The following CTNND2 variants were observed in gnomAD, a reference collection of about 807,000 sequenced individuals.
CTNND2 encodes the protein catenin delta 2.
CTNND2 carries 22 observed loss-of-function variants against 144.4 expected under a neutral mutation model. The observed-to-expected ratio is 0.15, with a 90% confidence interval of 0.11 to 0.22. The LOEUF (loss-of-function observed/expected upper bound fraction) is 0.22, where lower values mean the gene tolerates loss of function less well. CTNND2 is among the 10% of genes least tolerant of loss of function. The probability of loss-of-function intolerance (pLI) is 1.00; values close to 1 mark genes in which losing one functional copy is unlikely to be tolerated. For missense variants in CTNND2, 1,353 were observed against 1,618.8 expected, an observed-to-expected ratio of 0.84 and a Z score of 2.82; for synonymous variants, 751 against 695.6, an observed-to-expected ratio of 1.08 and a Z score of -1.25.
At chr5:11,210,325 G>A (rs1043621235) in intron 10 of CTNND2, among the ~76,000 whole-genome samples, 1 of 151,980 alleles carries the variant, frequency 6.6e-6, no homozygotes, top group African/African-American at 2.4e-5. Context: ...TTGAGCCCAG[G>A]GGGCAGAGGC....
intron 3 of CTNND2, among the ~76,000 whole-genome samples, chr5:11,556,644 G>C (rs1776259671): frequency 6.6e-6 from 1 of 152,228 alleles, no homozygotes; most frequent in East Asian, 1.9e-4. Flanking sequence ...GTTGGCATTT[G>C]GGCTCATGAA....
At chr5:11,341,736 T>C (rs2149732039) in intron 9 of CTNND2, among the ~76,000 whole-genome samples, 1 of 152,334 alleles carries the variant, frequency 6.6e-6, no homozygotes, top group Non-Finnish European at 1.5e-5. Flanking sequence ...TGCCAGGCAC[T>C]GTAGCTCATG....
At chr5:11,157,687 C>A (rs1415639294) in intron 12 of CTNND2, among the ~76,000 whole-genome samples, 1 of 152,216 alleles carries the variant, frequency 6.6e-6, no homozygotes, top group Non-Finnish European at 1.5e-5. Flanking sequence ...AATACACTTG[C>A]ATACTAAAAT....
At chr5:11,300,015 C>A (rs1749420981) in intron 9 of CTNND2, among the ~76,000 whole-genome samples, 1 of 152,156 alleles carries the variant, frequency 6.6e-6, no homozygotes, top group South Asian at 2.1e-4. Flanking sequence ...AAATGGGCAG[C>A]TTTCAGGGCT....
chr5:11,800,017 T>G (rs1791594664), intron 1 of CTNND2, among the ~76,000 whole-genome samples: 3 of 152,214 alleles, frequency 2.0e-5, no homozygotes. Flanking sequence ...TTTAGCCACT[T>G]ACTACTTTAA....
chr5:11,133,364 T>C (rs570721452), intron 12 of CTNND2, among the ~76,000 whole-genome samples: 20 of 152,318 alleles, frequency 1.3e-4, no homozygotes, highest in African/African-American at 4.8e-4. Flanking sequence ...TCTTTTTCTT[T>C]TTTTTGAGAC....
At chr5:11,797,809 T>C (rs949879548) in intron 1 of CTNND2, among the ~76,000 whole-genome samples, 6 of 152,250 alleles carry the variant, frequency 3.9e-5, no homozygotes, top group Non-Finnish European at 8.8e-5. Context: ...GTATAGTTGC[T>C]TGACTTTACT....
intron 2 of CTNND2, among the ~76,000 whole-genome samples, chr5:11,610,013 T>G (rs958658753): frequency 3.9e-5 from 6 of 152,182 alleles, no homozygotes; most frequent in African/African-American, 1.4e-4. Flanking sequence ...TCGGTTTGAG[T>G]CCTAGTATTT....
chr5:11,835,165 G>A (rs968250974), intron 1 of CTNND2, among the ~76,000 whole-genome samples: 6 of 152,138 alleles, frequency 3.9e-5, no homozygotes, highest in African/African-American at 9.7e-5. Context: ...GATAAATGAC[G>A]AAAGGAAGAA....
chr5:11,316,659 A>G (rs992689753), intron 9 of CTNND2, among the ~76,000 whole-genome samples: 1 of 137,984 alleles, frequency 7.2e-6, no homozygotes, highest in African/African-American at 2.8e-5. Context: ...ACCCCACAAC[A>G]GTCCCCGGAG....
chr5:11,732,647 T>G (rs1037035746), intron 1 of CTNND2, among the ~76,000 whole-genome samples: 1 of 152,132 alleles, frequency 6.6e-6, no homozygotes, highest in Admixed American at 6.6e-5. Context: ...TTAGGTAAAT[T>G]TATTACCTGC....
intron 1 of CTNND2, among the ~76,000 whole-genome samples, chr5:11,898,263 C>T (rs1232763249): frequency 6.6e-6 from 1 of 152,160 alleles, no homozygotes; most frequent in East Asian, 1.9e-4. Flanking sequence ...TTAAAGACAC[C>T]AACAACCCAC....
rs79167718 is a variant in CTNND2, at chr5:11,743,184, C to A, written c.38-10912G>T. ...TAACTCAGTATGTAATATATAGAAGCTAGTTAATAAATATTTGTTGAGCTA... is the reference window on the plus strand; with the variant it reads ...TAACTCAGTATGTAATATATAGAAGATAGTTAATAAATATTTGTTGAGCTA... On this transcript the variant is annotated intron_variant, in intron 1 of 21. Transcript: ENST00000304623. 3.8e-3 allele frequency among the ~76,000 whole-genome samples: 579 copies of A among 152,174 alleles called. 15 individuals are homozygous for A. In the South Asian group the frequency reaches 0.066, roughly 17 times the overall value.
At chr5:10,977,540 C>T (rs1435411310) in intron 21 of CTNND2, among the ~76,000 whole-genome samples, 4 of 152,026 alleles carry the variant, frequency 2.6e-5, no homozygotes, top group African/African-American at 4.8e-5. Flanking sequence ...GTAGCCTCCA[C>T]CTTCCAGGTT....
intron 3 of CTNND2, among the ~76,000 whole-genome samples, chr5:11,514,985 C>T (rs752717826): frequency 2.6e-5 from 4 of 151,620 alleles, no homozygotes; most frequent in African/African-American, 9.7e-5. Context: ...TACTTTTTTG[C>T]ATCACAATAA....
intron 3 of CTNND2, among the ~76,000 whole-genome samples, chr5:11,481,561 C>T (rs567130161): frequency 6.6e-6 from 1 of 151,992 alleles, no homozygotes; most frequent in Admixed American, 6.6e-5. Flanking sequence ...CAAGGTCATG[C>T]CACTGCACTG....
chr5:11,816,225 T>C (rs1792642549), intron 1 of CTNND2, among the ~76,000 whole-genome samples: 1 of 152,134 alleles, frequency 6.6e-6, no homozygotes, highest in Non-Finnish European at 1.5e-5. Context: ...GTAAGCTCCT[T>C]TCTTTGGTGA....
chr5:11,199,672 A>G lies in CTNND2; in HGVS notation c.1762-11T>C. ...TCCTTGTCTCCTTATCTGAAAGAGC[A>G]AAGGACACCACTTTTGCTTTACAGT... On this transcript the variant is annotated splice_polypyrimidine_tract_variant and intron_variant, in intron 10 of 21. Transcript: ENST00000304623. 3 of 1,608,854 alleles carry G rather than the reference A, an allele frequency of 1.9e-6. No individual in the cohort carries two copies. The highest frequency in any genetic ancestry group is 2.6e-6 in the Non-Finnish European group (3 of 1,175,892).
Position 11,903,790 on chromosome 5 carries a change from C to T in CTNND2, c.37+27G>A. The T allele has an allele frequency of 1.4e-6, 2 of 1,474,306 alleles. No individual in the cohort carries two copies. The highest frequency in any genetic ancestry group is 1.8e-6 in the Non-Finnish European group (2 of 1,119,632). The allele number at this position is 1,474,306 out of a possible 1,614,324, so 91.3% of individuals were successfully genotyped here. A position where few individuals can be genotyped will look rare whatever the true frequency, so the allele number is the denominator to read the frequency against. On this transcript the variant is annotated intron_variant, in intron 1 of 21. Coordinates refer to ENST00000304623, the MANE Select transcript of CTNND2 (RefSeq NM_001332.4). This position sits in a 1 kb window ranked among gnomAD's most constrained non-coding sequence, Gnocchi z 5.4. ...GGCGCCGGGAGGAGGCTGCGCCCGGCCCCGGCCGCCCAGCCCCGCAACTCA... is the reference window on the plus strand; with the variant it reads ...GGCGCCGGGAGGAGGCTGCGCCCGGTCCCGGCCGCCCAGCCCCGCAACTCA...
Sources: allele counts gnomAD v4.1 joint callset (sites outside exome capture counted in the v4.1 genomes callset), GRCh38; gene constraint gnomAD v4.1.1; non-coding constraint Gnocchi (gnomAD v3.1); transcripts MANE v1.5; gene names NCBI Gene and HGNC (gene_info 2026-07-23, HGNC 2026-07-21).